The following SPAG16 variants were observed in gnomAD, a reference collection of about 807,000 sequenced individuals.
The protein encoded by SPAG16 is sperm associated antigen 16.
SPAG16 carries 86 observed loss-of-function variants against 80.4 expected under a neutral mutation model. That is an observed-to-expected ratio of 1.07 (90% confidence interval 0.90 to 1.28). The LOEUF is 1.28. Among genes scored for constraint, SPAG16 ranks in the 50% most tolerant of loss-of-function variants. SPAG16 has a pLI of 0.00. For missense variants in SPAG16, 870 were observed against 765.3 expected, an observed-to-expected ratio of 1.14 and a Z score of -1.61; for synonymous variants, 294 against 265.9, an observed-to-expected ratio of 1.11 and a Z score of -1.03.
chr2:213,552,075 G>A (rs2076796180), intron 10 of SPAG16, among the ~76,000 whole-genome samples: 1 of 152,138 alleles, frequency 6.6e-6, no homozygotes, highest in South Asian at 2.1e-4. Flanking sequence ...TAGGAAGTAG[G>A]AAATAAGGAA....
At chr2:213,835,112 G>T (rs1427354) in intron 10 of SPAG16, among the ~76,000 whole-genome samples, 2 of 151,852 alleles carry the variant, frequency 1.3e-5, no homozygotes, top group South Asian at 2.1e-4. Context: ...GGGAAATTTA[G>T]GAAACCCAAG....
chr2:213,690,596 G>T (rs2064899832), intron 10 of SPAG16, among the ~76,000 whole-genome samples: 1 of 152,192 alleles, frequency 6.6e-6, no homozygotes, highest in Non-Finnish European at 1.5e-5. Context: ...TGAGTTAGTA[G>T]ACTGGGAGAG....
intron 10 of SPAG16, among the ~76,000 whole-genome samples, chr2:213,578,105 A>C (rs1414706077): frequency 6.6e-6 from 1 of 152,138 alleles, no homozygotes; most frequent in Admixed American, 6.6e-5. Flanking sequence ...CATCAAAAAA[A>C]AATTAGTGAA....
At chr2:214,404,682 TA>T (rs1012158490) in intron 15 of SPAG16, among the ~76,000 whole-genome samples, 11 of 152,046 alleles carry the variant, frequency 7.2e-5, no homozygotes, top group African/African-American at 2.4e-4. Flanking sequence ...AAAATTTGTT[TA>T]AAAAAAGAAA....
intron 13 of SPAG16, among the ~76,000 whole-genome samples, chr2:214,041,892 A>G (rs1392768703): frequency 6.7e-6 from 1 of 148,350 alleles, no homozygotes; most frequent in Non-Finnish European, 1.5e-5. Context: ...ACATATTTAT[A>G]TATAGTCTGT....
chr2:213,716,919 C>A (rs1052236668), intron 10 of SPAG16, among the ~76,000 whole-genome samples: 6 of 151,992 alleles, frequency 3.9e-5, no homozygotes, highest in African/African-American at 1.5e-4. Flanking sequence ...TATTCTGAGC[C>A]TTTGAAGTTT....
At chr2:213,355,246 A>G (rs1161159647) in intron 7 of SPAG16, among the ~76,000 whole-genome samples, 2 of 152,208 alleles carry the variant, frequency 1.3e-5, no homozygotes, top group Admixed American at 6.5e-5. Context: ...TACTGGTACC[A>G]TGCTATTTTG....
intron 15 of SPAG16, among the ~76,000 whole-genome samples, chr2:214,348,703 C>T (rs1000122851): frequency 7.9e-5 from 12 of 152,156 alleles, no homozygotes; most frequent in African/African-American, 2.9e-4. Context: ...GTCTCAGACC[C>T]TCCACACCAG....
intron 9 of SPAG16, among the ~76,000 whole-genome samples, chr2:213,464,127 A>T (rs2072539862): frequency 6.6e-6 from 1 of 152,222 alleles, no homozygotes; most frequent in Non-Finnish European, 1.5e-5. Context: ...GGTTAATCAA[A>T]TCAAAGGTTA....
chr2:213,294,418 T>G (rs953202001), intron 1 of SPAG16, among the ~76,000 whole-genome samples: 11 of 152,208 alleles, frequency 7.2e-5, no homozygotes, highest in African/African-American at 2.7e-4. Context: ...TAGAATCTGT[T>G]CTACAGTAAT....
At chr2:213,296,419 C>T (rs548768739) in intron 2 of SPAG16, among the ~76,000 whole-genome samples, 3 of 152,346 alleles carry the variant, frequency 2.0e-5, no homozygotes, top group Non-Finnish European at 4.4e-5. Flanking sequence ...GCACTTCCTT[C>T]CTGTCATCCA....
At chr2:214,095,888 T>G (rs1430153334) in intron 13 of SPAG16, among the ~76,000 whole-genome samples, 1 of 151,950 alleles carries the variant, frequency 6.6e-6, no homozygotes, top group East Asian at 1.9e-4. Context: ...TCAGAAACCT[T>G]GGAAAAATGA....
At chr2:213,441,252 C>A (rs2125529479) in intron 9 of SPAG16, among the ~76,000 whole-genome samples, 1 of 152,238 alleles carries the variant, frequency 6.6e-6, no homozygotes, top group South Asian at 2.1e-4. Context: ...GGTAACACCC[C>A]AGATGTCCTA....
chr2:213,622,680 A>C (rs1047623210), intron 10 of SPAG16, among the ~76,000 whole-genome samples: 4 of 152,192 alleles, frequency 2.6e-5, no homozygotes, highest in Non-Finnish European at 1.5e-5. Flanking sequence ...GGTCACCTTT[A>C]TTAGACTGTC....
chr2:213,508,555 G>A (rs2075070436), intron 10 of SPAG16, among the ~76,000 whole-genome samples: 1 of 152,130 alleles, frequency 6.6e-6, no homozygotes, highest in Admixed American at 6.5e-5. Flanking sequence ...GTCCGGCCTG[G>A]GCGACAGAGT....
chr2:214,308,131 C>A (rs1695044541), intron 15 of SPAG16, among the ~76,000 whole-genome samples: 1 of 152,094 alleles, frequency 6.6e-6, no homozygotes, highest in Admixed American at 6.6e-5. Flanking sequence ...TAACCCTTTA[C>A]CATTATGTAA....
At chr2:213,874,263 A>G (rs1238242919) in intron 11 of SPAG16, among the ~76,000 whole-genome samples, 2 of 152,158 alleles carry the variant, frequency 1.3e-5, no homozygotes, top group Non-Finnish European at 2.9e-5. Flanking sequence ...TTCTTCAATA[A>G]TAAATCAACC....
chr2:214,001,525 G>T (rs1575784321), intron 12 of SPAG16, among the ~76,000 whole-genome samples: 1 of 152,216 alleles, frequency 6.6e-6, no homozygotes, highest in Non-Finnish European at 1.5e-5. Flanking sequence ...AGATTGTAAA[G>T]TATATGTAAC....
At chr2:214,066,381 G>T (rs1362426388) in intron 13 of SPAG16, among the ~76,000 whole-genome samples, 4 of 152,042 alleles carry the variant, frequency 2.6e-5, no homozygotes, top group African/African-American at 4.8e-5. Context: ...AAACATCAAG[G>T]CTCAGAAAAA....
Sources: allele counts gnomAD v4.1 joint callset (sites outside exome capture counted in the v4.1 genomes callset), GRCh38; gene constraint gnomAD v4.1.1; transcripts MANE v1.5; gene names NCBI Gene and HGNC (gene_info 2026-07-23, HGNC 2026-07-21).